Variants in RBFOX1 observed in about 807,000 individuals in gnomAD.
RBFOX1 encodes RNA binding protein fox-1 homolog 1.
Under a neutral mutation model 57.7 loss-of-function variants are expected in RBFOX1, and 8 were observed. The ratio of observed to expected loss-of-function variants is 0.14; its 90% CI spans 0.08 to 0.25. The LOEUF (loss-of-function observed/expected upper bound fraction) is 0.25. Among genes scored for constraint, RBFOX1 ranks in the 10% least tolerant of loss-of-function variants. The probability of loss-of-function intolerance (pLI) is 1.00; values close to 1 mark genes in which losing one functional copy is unlikely to be tolerated. For synonymous variants in RBFOX1, 326 were observed against 222.4 expected (o/e 1.47, Z -4.15); for missense variants, 611 against 548.5 (o/e 1.11, Z -1.14).
intron 2 of RBFOX1, among the ~76,000 whole-genome samples, chr16:6,463,290 C>G (rs184865280): frequency 6.6e-6 from 1 of 152,116 alleles, no homozygotes; most frequent in African/African-American, 2.4e-5. Context: ...TCTGTTAACT[C>G]GGATGTGTGC....
intron 4 of RBFOX1, among the ~76,000 whole-genome samples, chr16:7,385,816 C>T (rs962675982): frequency 2.0e-4 from 31 of 151,878 alleles, no homozygotes; most frequent in African/African-American, 6.8e-4. Flanking sequence ...TGCAGTGGTG[C>T]GACCTCGGCT....
intron 1 of RBFOX1, among the ~76,000 whole-genome samples, chr16:6,067,429 T>G (rs1001584269): frequency 6.6e-6 from 1 of 152,090 alleles, no homozygotes; most frequent in African/African-American, 2.4e-5. Context: ...TACAAGCGAA[T>G]GCCTGGATAG....
chr16:6,615,704 A>G (rs113152106), intron 2 of RBFOX1, among the ~76,000 whole-genome samples: 4 of 152,268 alleles, frequency 2.6e-5, no homozygotes, highest in African/African-American at 4.8e-5. Context: ...GAGAACATCA[A>G]TGCAAACACT....
At chr16:7,385,378 T>C (rs1226103385) in intron 4 of RBFOX1, among the ~76,000 whole-genome samples, 2 of 152,078 alleles carry the variant, frequency 1.3e-5, no homozygotes, top group African/African-American at 2.4e-5. Flanking sequence ...AGTACCGTTG[T>C]AGAAAATTAA....
chr16:6,623,874 T>G (rs2098269202), intron 2 of RBFOX1, among the ~76,000 whole-genome samples: 1 of 152,214 alleles, frequency 6.6e-6, no homozygotes, highest in African/African-American at 2.4e-5. Flanking sequence ...TTCCAAGTCT[T>G]TGCTATTGTG....
intron 5 of RBFOX1, among the ~76,000 whole-genome samples, chr16:7,552,344 C>T (rs1029366478): frequency 7.9e-5 from 12 of 152,170 alleles, no homozygotes; most frequent in African/African-American, 2.2e-4. Flanking sequence ...TAGTGAGAGG[C>T]GACAGGATAC....
chr16:6,750,202 C>CTATTG (rs1057321285), intron 3 of RBFOX1, among the ~76,000 whole-genome samples: 9 of 152,080 alleles, frequency 5.9e-5, no homozygotes, highest in African/African-American at 1.9e-4. Context: ...ATAGCAAAAC[C>CTATTG]TATTGAATTG....
chr16:7,178,656 G>A (rs141869935), intron 4 of RBFOX1, among the ~76,000 whole-genome samples: 5 of 152,186 alleles, frequency 3.3e-5, no homozygotes, highest in South Asian at 2.1e-4. Context: ...CTGGGGTCAG[G>A]CACCTTTTAC....
chr16:5,896,608 A>C (rs947830633), intron 4 of RBFOX1, among the ~76,000 whole-genome samples: 1 of 152,166 alleles, frequency 6.6e-6, no homozygotes, highest in Non-Finnish European at 1.5e-5. Context: ...GTTTTTCTTT[A>C]TACATTACCC....
At chr16:5,338,989 A>G (rs1219702291) in intron 1 of RBFOX1, among the ~76,000 whole-genome samples, 1 of 152,194 alleles carries the variant, frequency 6.6e-6, no homozygotes, top group Non-Finnish European at 1.5e-5. Context: ...AGTCAGTTCC[A>G]CATATAAATT....
intron 3 of RBFOX1, among the ~76,000 whole-genome samples, chr16:6,918,927 C>A (rs938120851): frequency 1.3e-5 from 2 of 151,996 alleles, no homozygotes; most frequent in Non-Finnish European, 2.9e-5. Flanking sequence ...GATCTAGTTA[C>A]GCAGGGTCCT....
intron 3 of RBFOX1, among the ~76,000 whole-genome samples, chr16:5,634,768 C>T (rs2048628468): frequency 6.6e-6 from 1 of 152,190 alleles, no homozygotes; most frequent in African/African-American, 2.4e-5. Context: ...GGCTGACTTC[C>T]TTCTGCAGAC....
chr16:7,091,166 C>G (rs545266480), intron 4 of RBFOX1, among the ~76,000 whole-genome samples: 1 of 152,074 alleles, frequency 6.6e-6, no homozygotes, highest in Admixed American at 6.6e-5. Context: ...ATAACTCTTT[C>G]CATTTTATTA....
chr16:6,987,035 T>G (rs527529674), intron 3 of RBFOX1, among the ~76,000 whole-genome samples: 4 of 152,152 alleles, frequency 2.6e-5, no homozygotes, highest in Admixed American at 2.6e-4. Flanking sequence ...AACTTGCAAA[T>G]AAGGCCTTGT....
At chr16:7,693,392 T>A (rs2077807420) in intron 14 of RBFOX1, 1 of 1,556,216 alleles carries the variant, frequency 6.4e-7, no homozygotes, top group East Asian at 2.3e-5. Context: ...TACTTCTTGA[T>A]GCATCCATCC....
intron 1 of RBFOX1, among the ~76,000 whole-genome samples, chr16:6,051,606 A>G (rs1459965955): frequency 6.6e-6 from 1 of 151,892 alleles, no homozygotes; most frequent in East Asian, 1.9e-4. Flanking sequence ...TGTCACCCAG[A>G]CTGCTGGGGT....
At chr16:6,637,564 T>TCTATATAGTATATATGGAATAG (rs756936561) in intron 2 of RBFOX1, among the ~76,000 whole-genome samples, 1 of 128,474 alleles carries the variant, frequency 7.8e-6, no homozygotes, top group East Asian at 2.1e-4. Context: ...ATATATAATA[T>TCTATATAGTATATATGGAATAG]TCTATATAGT....
intron 2 of RBFOX1, among the ~76,000 whole-genome samples, chr16:6,488,155 C>T (rs906680595): frequency 3.9e-5 from 6 of 152,250 alleles, no homozygotes; most frequent in East Asian, 1.9e-4. Flanking sequence ...TGAGGAAGGC[C>T]TCTGCCAGCC....
intron 3 of RBFOX1, among the ~76,000 whole-genome samples, chr16:6,864,622 T>C (rs1476902975): frequency 1.3e-5 from 2 of 151,408 alleles, no homozygotes; most frequent in African/African-American, 4.9e-5. Flanking sequence ...TATTTGAGAA[T>C]CAAGGATCTG....
Sources: gnomAD v4.1 joint callset for allele counts (sites outside exome capture counted in the v4.1 genomes callset) on GRCh38, gnomAD v4.1.1 for gene constraint, MANE v1.5 for transcripts, NCBI Gene and HGNC (gene_info 2026-07-23, HGNC 2026-07-21) for gene names.